Variants in THOC2 observed in about 807,000 individuals in gnomAD.
The protein encoded by THOC2 is THO complex subunit 2.
Under a neutral mutation model 128.4 loss-of-function variants are expected in THOC2, and 10 were observed. The observed-to-expected ratio is 0.08, with a 90% confidence interval of 0.05 to 0.13. The LOEUF is 0.13. Ranked by LOEUF, THOC2 falls within the 10% of genes least tolerant of loss-of-function variation. THOC2 has a pLI of 1.00. For synonymous variants in THOC2, 393 were observed against 396.9 expected (o/e 0.99, Z 0.12); for missense variants, 535 against 1,155.7 (o/e 0.46, Z 7.79).
At chrX:123,717,201 A>G (rs2051461695) in intron 1 of THOC2, among the ~76,000 whole-genome samples, 1 of 111,588 alleles carries the variant, frequency 9.0e-6, no homozygotes, top group Admixed American at 9.6e-5. Context: ...ACTACACCAT[A>G]AAGTTAGAAA....
At chrX:123,628,068 T>C (rs2047329603) in intron 22 of THOC2, 100 bp from the exon 23 acceptor site, 2 of 660,717 alleles carry the variant, frequency 3.0e-6, no homozygotes, top group South Asian at 3.0e-5. Flanking sequence ...TTCTAAAGAA[T>C]CAAAAGATGA....
rs1418414371 is a variant in THOC2, at chrX:123,636,248, TA to T, written c.1922-74del. On this transcript the variant is annotated intron_variant, in intron 18 of 38. Transcript: ENST00000245838. ...ACAAGTATCATTTCAACTAAACCTCTAAAACAAAATGAGGTAGCAATAATTG... is the reference window on the plus strand; with the variant it reads ...ACAAGTATCATTTCAACTAAACCTCTAAACAAAATGAGGTAGCAATAATTG... 3.9e-6 allele frequency: 3 copies of T among 778,930 alleles called. No homozygotes were observed. The Admixed American group carries it at 8.2e-5, about 21-fold the overall frequency. 64.2% of individuals were successfully genotyped at this position (778,930 alleles called of 1,213,427 possible). A position where few individuals can be genotyped will look rare whatever the true frequency, so the allele number is the denominator to read the frequency against.
At position 123,623,232 on chromosome X, in the gene THOC2, C is replaced by T. The variant is rs918447426; in HGVS notation, c.3555G>A (p.Glu1185=). The change falls in exon 29 of 39, where the codon GAG becomes GAA. Residue 1185 remains glutamate, a synonymous_variant. Coordinates refer to ENST00000245838, the MANE Select transcript of THOC2 (RefSeq NM_001081550.2). ...TCGGAGGGGGGTCTTTGTGATGAAA[C>T]TCATTTTCAGGTATCATGTATGACT... ...SRKSYMIPEN[E]FHHKDPPPRN... is the part of the protein sequence containing the mutation. The T allele has an allele frequency of 4.1e-6, 5 of 1,208,471 alleles. No individual in the cohort carries two copies. Among genetic ancestry groups the T allele is most frequent in the African/African-American group, 3.5e-5 (2 of 57,137 alleles).
chrX:123,698,108 T>C (rs1209623720), intron 4 of THOC2, among the ~76,000 whole-genome samples: 1 of 109,704 alleles, frequency 9.1e-6, no homozygotes, highest in African/African-American at 3.3e-5. Context: ...AAAAAAAAGA[T>C]TATTTTAGGT....
chrX:123,719,709 G>A (rs1228169326), intron 1 of THOC2, among the ~76,000 whole-genome samples: 1 of 110,231 alleles, frequency 9.1e-6, no homozygotes, highest in African/African-American at 3.3e-5. Flanking sequence ...GGCCGAGGCA[G>A]GAAGATTCCT....
chrX:123,725,767 A>G (rs2051943778), intron 1 of THOC2, among the ~76,000 whole-genome samples: 1 of 111,632 alleles, frequency 9.0e-6, no homozygotes, highest in Non-Finnish European at 1.9e-5. Flanking sequence ...CTAGCATCAG[A>G]AGATATAACC....
At chrX:123,701,532 T>G (rs1318733892) in intron 4 of THOC2, among the ~76,000 whole-genome samples, 1 of 111,150 alleles carries the variant, frequency 9.0e-6, no homozygotes, top group Admixed American at 9.6e-5. Flanking sequence ...CTAGGGCCAA[T>G]AAGCTGATAA....
chrX:123,642,475 A>G (rs2047965074), intron 15 of THOC2, among the ~76,000 whole-genome samples: 1 of 110,831 alleles, frequency 9.0e-6, no homozygotes, highest in African/African-American at 3.3e-5. Context: ...ATAACAGAGT[A>G]ACAGTTCCTG....
intron 8 of THOC2, among the ~76,000 whole-genome samples, chrX:123,685,292 T>C (rs1491000402): frequency 1.8e-5 from 2 of 112,505 alleles, no homozygotes; most frequent in Non-Finnish European, 3.8e-5. Flanking sequence ...AGGAGATAGA[T>C]ACAGTTTATT....
intron 15 of THOC2, among the ~76,000 whole-genome samples, chrX:123,644,088 A>G (rs1385544690): frequency 8.9e-6 from 1 of 112,538 alleles, no homozygotes; most frequent in Non-Finnish European, 1.9e-5. Context: ...TATGAAAATA[A>G]AAGTGTACAA....
chrX:123,699,585 G>C (rs953956141), intron 4 of THOC2, among the ~76,000 whole-genome samples: 1 of 110,529 alleles, frequency 9.0e-6, no homozygotes, highest in Non-Finnish European at 1.9e-5. Flanking sequence ...GGCTAAACTG[G>C]GCCCATTCTT....
At chrX:123,635,157 GTTTAT>G (rs1239093226) in intron 19 of THOC2, among the ~76,000 whole-genome samples, 1 of 110,819 alleles carries the variant, frequency 9.0e-6, no homozygotes, top group African/African-American at 3.3e-5. Context: ...CAATGAAACA[GTTTAT>G]TTTTTCTTTA....
In THOC2 at chrX:123,721,064, G is replaced by GT. The variant is rs988801531; in HGVS notation, c.72-8157dup. Among the ~76,000 whole-genome samples the GT allele has an allele frequency of 8.4e-4, 92 of 110,002 alleles. 1 individual carries two copies. The highest frequency in any genetic ancestry group is 1.2e-3 in the Non-Finnish European group (61 of 52,485). ...TAAGAAGGTAGATTTCATGTTAGGTGTTTTTTTTTACCACAGTAAAAAAGT... is the reference window on the plus strand; with the variant it reads ...TAAGAAGGTAGATTTCATGTTAGGTGTTTTTTTTTTACCACAGTAAAAAAGT... On this transcript the variant is annotated intron_variant, in intron 1 of 38. Transcript: ENST00000245838.
At chrX:123,629,206 AACACACACACACACAC>A (rs754562050) in intron 22 of THOC2, among the ~76,000 whole-genome samples, 3 of 81,962 alleles carry the variant, frequency 3.7e-5, no homozygotes, top group Non-Finnish European at 7.0e-5. Context: ...ATTATACATG[AACACACACACACACAC>A]ACACACACAC....
At chrX:123,683,098 T>A (rs965460000) in intron 8 of THOC2, among the ~76,000 whole-genome samples, 1 of 111,268 alleles carries the variant, frequency 9.0e-6, no homozygotes, top group Non-Finnish European at 1.9e-5. Context: ...GATTTTGGAA[T>A]TTTTTTTCAG....
At chrX:123,675,765 T>G (rs1315142784) in intron 8 of THOC2, among the ~76,000 whole-genome samples, 6 of 112,211 alleles carry the variant, frequency 5.3e-5, no homozygotes, top group African/African-American at 1.9e-4. Context: ...GATTTATTGT[T>G]GTGTGTGTGT....
Position 123,644,767 on chromosome X carries a change from A to G in THOC2, c.1559+12T>C, listed in dbSNP as rs1364187151. The G allele has an allele frequency of 8.4e-7, 1 of 1,184,241 alleles. No individual in the cohort carries two copies. The highest frequency in any genetic ancestry group is 2.3e-5 in the Admixed American group (1 of 43,512). On this transcript the variant is annotated intron_variant, in intron 14 of 38. Coordinates refer to ENST00000245838, the MANE Select transcript of THOC2 (RefSeq NM_001081550.2). ...ACTAATAGTTAAAAACATGAAAATA[A>G]TATGTATTTACCTATGCTGATATGG...
chrX:123,681,374 TG>T lies in THOC2; in HGVS notation c.768+5173del, dbSNP rs1174372838. On this transcript the variant is annotated intron_variant, in intron 8 of 38. Transcript: ENST00000245838. ...AATTTGTTATTGAAGGGAAAGGTGGTGGGGGGGTGGGGGGATGCCATTGTAT... is the reference window on the plus strand; with the variant it reads ...AATTTGTTATTGAAGGGAAAGGTGGTGGGGGGTGGGGGGATGCCATTGTAT... Among the ~76,000 whole-genome samples, 6 of 83,463 alleles carry T rather than the reference TG, an allele frequency of 7.2e-5. No homozygotes were observed. In the Admixed American group the frequency reaches 8.6e-4, roughly 12 times the overall value. 72.5% of individuals were successfully genotyped at this position (83,463 alleles called of 115,157 possible).
At chrX:123,608,378 G>A (rs1156569617) in intron 38 of THOC2, among the ~76,000 whole-genome samples, 1 of 107,633 alleles carries the variant, frequency 9.3e-6, no homozygotes, top group Admixed American at 1.0e-4. Context: ...TCCAGCCTGG[G>A]CGACAGAGTG....
Sources: allele counts gnomAD v4.1 joint callset (sites outside exome capture counted in the v4.1 genomes callset), GRCh38; gene constraint gnomAD v4.1.1; transcripts MANE v1.5; gene names NCBI Gene and HGNC (gene_info 2026-07-23, HGNC 2026-07-21).